Variants in SH3TC2 observed in about 807,000 individuals in gnomAD.
The protein encoded by SH3TC2 is SH3 domain and tetratricopeptide repeat-containing protein 2.
Under a neutral mutation model 124.5 loss-of-function variants are expected in SH3TC2, and 87 were observed. The ratio of observed to expected loss-of-function variants is 0.70; its 90% CI spans 0.59 to 0.84. SH3TC2 has a LOEUF of 0.84. Ranked by LOEUF, SH3TC2 falls within the 40% of genes least tolerant of loss-of-function variation. The pLI, the probability that SH3TC2 is intolerant of heterozygous loss-of-function variation, is 0.00. For missense variants in SH3TC2, 1,536 were observed against 1,566.4 expected (o/e 0.98, Z 0.33); for synonymous variants, 634 against 628.5 (o/e 1.01, Z -0.13).
intron 8 of SH3TC2, among the ~76,000 whole-genome samples, chr5:149,037,949 C>T (rs36068): frequency 0.24 from 36,544 of 152,122 alleles, 4,955 homozygotes; most frequent in African/African-American, 0.36. Context: ...TATTTCTCCC[C>T]GTGTGTGCCC....
intron 7 of SH3TC2, 93 bp from the exon 8 acceptor site, chr5:149,038,583 G>T: frequency 7.4e-7 from 1 of 1,345,236 alleles, no homozygotes; most frequent in Non-Finnish European, 1.1e-6. Flanking sequence ...GGGGTTCCCA[G>T]ACTTTAGAAT....
chr5:149,005,025 A>G, intron 16 of SH3TC2, 123 bp from the exon 17 acceptor site: 2 of 1,151,576 alleles, frequency 1.7e-6, no homozygotes, highest in South Asian at 1.3e-5. Flanking sequence ...TGTTTGCCCA[A>G]CATCCAATCC....
intron 12 of SH3TC2, among the ~76,000 whole-genome samples, chr5:149,018,911 T>A (rs1753921858): frequency 6.6e-6 from 1 of 151,984 alleles, no homozygotes; most frequent in Admixed American, 6.5e-5. Context: ...ATCACCCCCA[T>A]CCTTTGCTGA....
chr5:149,022,956 A>T (rs1468179593), intron 12 of SH3TC2, among the ~76,000 whole-genome samples: 1 of 152,236 alleles, frequency 6.6e-6, no homozygotes, highest in Non-Finnish European at 1.5e-5. Flanking sequence ...TCTGAAATTA[A>T]ATAGCAGTGA....
intron 16 of SH3TC2, 45 bp from the exon 17 acceptor site, chr5:149,004,947 C>T: frequency 6.2e-7 from 1 of 1,609,276 alleles, no homozygotes; most frequent in Non-Finnish European, 8.5e-7. Context: ...CATTAGCAAA[C>T]ACTTCCAGGA....
At chr5:149,045,729 C>T (rs1301210598) in intron 3 of SH3TC2, 1 of 173,172 alleles carries the variant, frequency 5.8e-6, no homozygotes, top group Non-Finnish European at 1.2e-5. Context: ...TCACTGCAAC[C>T]TCCGCCTCCC....
chr5:149,061,054 A>T (rs772447044), intron 1 of SH3TC2, among the ~76,000 whole-genome samples: 16 of 152,206 alleles, frequency 1.1e-4, no homozygotes, highest in Non-Finnish European at 2.4e-4. Context: ...CCTGACACAT[A>T]CAGGGAATAA....
chr5:149,019,168 G>T (rs1344392701), intron 12 of SH3TC2, among the ~76,000 whole-genome samples: 2 of 152,200 alleles, frequency 1.3e-5, no homozygotes, highest in African/African-American at 2.4e-5. Context: ...GTCAGACAGT[G>T]AGAACCTCAT....
chr5:149,061,639 A>G (rs1249730783), intron 1 of SH3TC2, among the ~76,000 whole-genome samples: 1 of 152,178 alleles, frequency 6.6e-6, no homozygotes, highest in Non-Finnish European at 1.5e-5. Flanking sequence ...TAAAAGAACC[A>G]AGATAAAATC....
intron 12 of SH3TC2, among the ~76,000 whole-genome samples, chr5:149,022,358 G>T (rs938363499): frequency 6.6e-6 from 1 of 152,070 alleles, no homozygotes. Flanking sequence ...CTCCCACTAG[G>T]AATGGCTAAA....
At chr5:149,022,168 A>G (rs1181128620) in intron 12 of SH3TC2, among the ~76,000 whole-genome samples, 14 of 152,134 alleles carry the variant, frequency 9.2e-5, no homozygotes, top group Admixed American at 9.2e-4. Context: ...TTGTATCCAG[A>G]ATATATAAAG....
Position 148,985,364 on chromosome 5 carries a change from T to A in SH3TC2, c.*19347A>T, listed in dbSNP as rs556176766. On this transcript the variant is annotated 3_prime_UTR_variant, in exon 17 of 17. Coordinates refer to ENST00000515425, the MANE Select transcript of SH3TC2 (RefSeq NM_024577.4). ...ACAGCTCCATCACTTCAAACAATTT[T>A]CTTGTGTCTTTTTTCATCAATTCTT... Among the ~76,000 whole-genome samples, 64 of 152,306 alleles carry A rather than the reference T, an allele frequency of 4.2e-4. No individual in the cohort carries two copies. The highest frequency in any genetic ancestry group is 1.4e-3 in the African/African-American group (60 of 41,578).
At chr5:149,048,159 G>A (rs1480404025) in intron 2 of SH3TC2, 170 bp from the exon 3 acceptor site, 8 of 881,008 alleles carry the variant, frequency 9.1e-6, no homozygotes, top group East Asian at 8.5e-5. Flanking sequence ...CCTTTAAATG[G>A]TCCTCCCTTG....
At chr5:149,028,802 G>A (rs1486656216) in intron 9 of SH3TC2, 84 bp from the exon 10 acceptor site, 7 of 1,408,604 alleles carry the variant, frequency 5.0e-6, no homozygotes, top group South Asian at 2.3e-5. Context: ...CAGATCAGTG[G>A]CCTCTTAGGA....
chr5:149,042,423 A>C (rs180734346), intron 5 of SH3TC2, among the ~76,000 whole-genome samples: 222 of 152,344 alleles, frequency 1.5e-3, no homozygotes, highest in African/African-American at 4.8e-3. Flanking sequence ...CAGAGATTTA[A>C]TGGGCCTAAG....
At position 149,008,949 on chromosome 5, in the gene SH3TC2, C is replaced by G. The variant is rs139192433; in HGVS notation, c.3380G>C (p.Arg1127Pro). Residue 1127 changes from arginine (R) to proline (P), a missense_variant, in exon 15 of 17, where the codon CGG becomes CCG. By Grantham distance (103) the Arg-to-Pro change is moderately radical. Around this residue, in one of 3 missense-constraint regions of SH3TC2, gnomAD observed 426 missense variants for 443.5 expected, o/e 0.96. Transcript: ENST00000515425. ...RRLKAVRTEL[R>P]IFNKLTELQI... ...CAGCTCTGTCAGCTTATTGAAAATC[C>G]GGAGCTCAGTTCTCACCGCCTTCAA... The G allele has an allele frequency of 1.2e-6, 2 of 1,614,198 alleles. No homozygotes were observed.
At position 149,044,527 on chromosome 5, in the gene SH3TC2, C is replaced by A; in HGVS notation, c.385+6G>T. On this transcript the variant is annotated splice_donor_region_variant and intron_variant, in intron 4 of 16. Transcript: ENST00000515425. Reference sequence around the variant, plus strand: ...TCATCCTCCACCTGCTTGCCTTGTACCATACCTAAATTAAGGTAGGTGGAG... The same window carrying A: ...TCATCCTCCACCTGCTTGCCTTGTAACATACCTAAATTAAGGTAGGTGGAG... 1 of 1,608,188 alleles carries A rather than the reference C, an allele frequency of 6.2e-7. No homozygotes were observed. The highest frequency in any genetic ancestry group is 1.1e-5 in the South Asian group (1 of 90,972).
chr5:149,028,192 A>T lies in SH3TC2; in HGVS notation c.1540T>A (p.Ser514Thr). ...TGGCTCTTCTTGGCCCACTTTCTTG[A>T]TGCCTCCAGGTAGGCCACAAACTCA... ...EDEFVAYLEA[S>T]RKWAKKSHMT... is the part of the protein sequence containing the mutation. The change falls in exon 11 of 17, where the codon TCA becomes ACA. Residue 514 changes from serine (S) to threonine (T), a missense_variant. By Grantham distance (58) the Ser-to-Thr change is moderately conservative. Coordinates refer to ENST00000515425, the MANE Select transcript of SH3TC2 (RefSeq NM_024577.4). The T allele has an allele frequency of 1.2e-6, 2 of 1,614,088 alleles. No homozygotes were observed. Among genetic ancestry groups the T allele is most frequent in the Non-Finnish European group, 1.7e-6 (2 of 1,180,026 alleles).
At chr5:149,019,239 C>T (rs889851892) in intron 12 of SH3TC2, among the ~76,000 whole-genome samples, 2 of 152,168 alleles carry the variant, frequency 1.3e-5, no homozygotes, top group Admixed American at 1.3e-4. Flanking sequence ...AGTAACCACC[C>T]CCGGGTGCAT....
Sources: allele counts gnomAD v4.1 joint callset (sites outside exome capture counted in the v4.1 genomes callset), GRCh38; gene constraint gnomAD v4.1.1; regional missense constraint gnomAD v4.1.1; transcripts MANE v1.5; gene names NCBI Gene and HGNC (gene_info 2026-07-23, HGNC 2026-07-21).